The following FNIP1 variants were observed in gnomAD, a reference collection of about 807,000 sequenced individuals.
FNIP1 encodes folliculin interacting protein 1.
Under a neutral mutation model 124.5 loss-of-function variants are expected in FNIP1, and 40 were observed. That is an observed-to-expected ratio of 0.32 (90% CI 0.25 to 0.42). The LOEUF is 0.42. Among genes scored for constraint, FNIP1 ranks in the 10% least tolerant of loss-of-function variants. FNIP1 has a pLI of 1.00. For synonymous variants in FNIP1, 472 were observed against 470.6 expected (o/e 1.00, Z -0.04); for missense variants, 1,176 against 1,403.7 (o/e 0.84, Z 2.59).
rs1457936047 is a variant in FNIP1, at chr5:131,748,352, G to A, written c.93-3662C>T. Among the ~76,000 whole-genome samples, 6 of 152,078 alleles carry A rather than the reference G, an allele frequency of 3.9e-5. No individual in the cohort carries two copies. The East Asian group carries it at 1.2e-3, about 29-fold the overall frequency. Reference sequence around the variant, plus strand: ...AAACCTACTGCACTGTCAGTCATATGAAGGTATTACGGATACAATTATGTA... The same window carrying A: ...AAACCTACTGCACTGTCAGTCATATAAAGGTATTACGGATACAATTATGTA... On this transcript the variant is annotated intron_variant, in intron 1 of 17. Transcript: ENST00000510461.
intron 1 of FNIP1, among the ~76,000 whole-genome samples, chr5:131,784,437 G>T (rs1450223264): frequency 6.6e-6 from 1 of 152,138 alleles, no homozygotes; most frequent in Non-Finnish European, 1.5e-5. Context: ...AGAAGGGTAT[G>T]TATGTGTGTG....
rs1767755790 is a variant in FNIP1, at chr5:131,671,692, T to C, written c.2752A>G (p.Lys918Glu). The change falls in exon 14 of 18, where the codon AAA becomes GAA. Residue 918 changes from lysine (K) to glutamate (E), a missense_variant. Lys to Glu is a moderately conservative substitution (Grantham distance 56). Transcript: ENST00000510461. ...TLSILVPHGD[K>E]ESSDKKIAVG... ...GCAATTTTTTTATCTGAACTCTCTT[T>C]ATCCCCATGGGGGACAAGAATGGAG... The C allele has an allele frequency of 5.0e-6, 8 of 1,614,208 alleles. No homozygotes were observed. The highest frequency in any genetic ancestry group is 6.8e-6 in the Non-Finnish European group (8 of 1,180,036).
At chr5:131,760,142 T>C (rs1423203217) in intron 1 of FNIP1, among the ~76,000 whole-genome samples, 1 of 152,176 alleles carries the variant, frequency 6.6e-6, no homozygotes. Context: ...CTATGCTCAC[T>C]ACCTGGGTGA....
At chr5:131,655,706 A>T (rs1321260665) in intron 15 of FNIP1, among the ~76,000 whole-genome samples, 1 of 150,956 alleles carries the variant, frequency 6.6e-6, no homozygotes, top group Non-Finnish European at 1.5e-5. Context: ...TCTCTTTTCG[A>T]GGCCATCCTG....
intron 3 of FNIP1, among the ~76,000 whole-genome samples, chr5:131,722,533 ATG>A (rs1769702114): frequency 1.3e-5 from 2 of 152,214 alleles, no homozygotes; most frequent in Admixed American, 6.5e-5. Context: ...TCGTTTTATC[ATG>A]TGACTCTTTT....
intron 16 of FNIP1, among the ~76,000 whole-genome samples, chr5:131,651,014 A>G (rs148555796): frequency 5.4e-4 from 83 of 152,298 alleles, no homozygotes; most frequent in Middle Eastern, 3.4e-3. Context: ...AAATCAGAAC[A>G]TACAGACATG....
rs534584310 is a variant in FNIP1, at chr5:131,644,228, T to C, written c.*457A>G. The C allele has an allele frequency of 1.3e-4, 20 of 152,806 alleles. No individual in the cohort carries two copies. Among genetic ancestry groups the C allele is most frequent in the African/African-American group, 4.8e-4 (20 of 41,580 alleles). 9.5% of individuals were successfully genotyped at this position (152,806 alleles called of 1,614,324 possible). ...GAGAAATAACCAGACATTAGCTGTT[T>C]TGAATTGCAAAACTAACAAATAATC... On this transcript the variant is annotated 3_prime_UTR_variant, in exon 18 of 18. Transcript: ENST00000510461.
chr5:131,677,684 C>A lies in FNIP1; in HGVS notation c.1519+19G>T, dbSNP rs755913158. ...CAAAAAAGTCTAATACATAGTGTAACAGTTGTCAGATTACATACCCAGTTG... is the reference window on the plus strand; with the variant it reads ...CAAAAAAGTCTAATACATAGTGTAAAAGTTGTCAGATTACATACCCAGTTG... On this transcript the variant is annotated intron_variant, in intron 13 of 17. Transcript: ENST00000510461. The A allele has an allele frequency of 8.1e-6, 13 of 1,605,540 alleles. No homozygotes were observed. The highest frequency in any genetic ancestry group is 3.3e-5 in the South Asian group (3 of 90,464).
chr5:131,693,273 A>G (rs1768543589), intron 11 of FNIP1, among the ~76,000 whole-genome samples: 1 of 138,678 alleles, frequency 7.2e-6, no homozygotes, highest in Non-Finnish European at 1.5e-5. Context: ...AAAAAAAAAA[A>G]GCATGGTAAT....
At chr5:131,666,644 A>G (rs1223134628) in intron 15 of FNIP1, among the ~76,000 whole-genome samples, 1 of 152,224 alleles carries the variant, frequency 6.6e-6, no homozygotes, top group Non-Finnish European at 1.5e-5. Context: ...ACACAAAGAT[A>G]ACAATAATAA....
At chr5:131,722,216 T>C (rs1468988881) in intron 3 of FNIP1, among the ~76,000 whole-genome samples, 6 of 152,196 alleles carry the variant, frequency 3.9e-5, no homozygotes. Flanking sequence ...ATAACAACAA[T>C]GCAACAAGTA....
chr5:131,683,504 A>G (rs6596032), intron 11 of FNIP1, among the ~76,000 whole-genome samples: 115,251 of 147,890 alleles, frequency 0.78, 45,119 homozygotes, highest in Middle Eastern at 0.83. Context: ...AGTGAGCCGA[A>G]ACTGCGCCAC....
chr5:131,789,355 T>TA (rs1278542992), intron 1 of FNIP1, among the ~76,000 whole-genome samples: 1 of 152,162 alleles, frequency 6.6e-6, no homozygotes, highest in Non-Finnish European at 1.5e-5. Context: ...AAATCCCATT[T>TA]AAAAAACAAA....
chr5:131,662,732 G>GT (rs1767477072), intron 15 of FNIP1, among the ~76,000 whole-genome samples: 3 of 117,438 alleles, frequency 2.6e-5, no homozygotes, highest in African/African-American at 9.7e-5. Context: ...AGATATTCTA[G>GT]ATTTTTTTTT....
chr5:131,707,975 A>G (rs1769170061), intron 8 of FNIP1, among the ~76,000 whole-genome samples: 1 of 152,182 alleles, frequency 6.6e-6, no homozygotes, highest in Non-Finnish European at 1.5e-5. Context: ...GTTTATTAAA[A>G]GAAATAAACT....
In FNIP1 at chr5:131,766,952, T is replaced by C. The variant is rs189472142; in HGVS notation, c.93-22262A>G. 4.6e-4 allele frequency among the ~76,000 whole-genome samples: 70 copies of C among 152,260 alleles called. 1 individual carries two copies. In the Middle Eastern group the frequency reaches 0.01, roughly 22 times the overall value. On this transcript the variant is annotated intron_variant, in intron 1 of 17. Transcript: ENST00000510461. ...ATGTTGAGGGCTGATCTGCACTCCG[T>C]CCACAGACTCCCACACCAAATCTCC... is the stretch of plus-strand genomic sequence containing the variant.
At chr5:131,707,645 A>C (rs2149534783) in intron 8 of FNIP1, among the ~76,000 whole-genome samples, 1 of 152,340 alleles carries the variant, frequency 6.6e-6, no homozygotes, top group Admixed American at 6.5e-5. Flanking sequence ...AAACTCTTGT[A>C]GTCCAAGATT....
intron 1 of FNIP1, among the ~76,000 whole-genome samples, chr5:131,795,206 T>G (rs1025217463): frequency 5.3e-5 from 8 of 152,212 alleles, no homozygotes; most frequent in African/African-American, 1.9e-4. Context: ...CAGATAATTC[T>G]TACTTCCACT....
intron 1 of FNIP1, among the ~76,000 whole-genome samples, chr5:131,763,213 C>T (rs949675996): frequency 2.6e-4 from 40 of 151,846 alleles, no homozygotes; most frequent in African/African-American, 9.5e-4. Flanking sequence ...GAGATAGATA[C>T]CCCATTTACC....
Sources: allele counts gnomAD v4.1 joint callset (sites outside exome capture counted in the v4.1 genomes callset), GRCh38; gene constraint gnomAD v4.1.1; transcripts MANE v1.5; gene names NCBI Gene and HGNC (gene_info 2026-07-23, HGNC 2026-07-21).